The following EBF1 variants were observed in gnomAD, a reference collection of about 807,000 sequenced individuals.
EBF1 encodes EBF transcription factor 1.
Under a neutral mutation model 68.4 loss-of-function variants are expected in EBF1, and 10 were observed. The observed-to-expected ratio is 0.15, with a 90% CI of 0.09 to 0.25. EBF1 has a LOEUF of 0.25. Ranked by LOEUF, EBF1 falls within the 10% of genes least tolerant of loss-of-function variation. The pLI is 1.00. For missense variants in EBF1, 509 were observed against 794.4 expected, an observed-to-expected ratio of 0.64 and a Z score of 4.32; for synonymous variants, 298 against 299.8, an observed-to-expected ratio of 0.99 and a Z score of 0.06.
intron 6 of EBF1, among the ~76,000 whole-genome samples, chr5:159,064,809 C>G (rs1035035324): frequency 2.2e-4 from 33 of 150,012 alleles, no homozygotes; most frequent in African/African-American, 7.6e-4. Flanking sequence ...CTGTTGGTAA[C>G]AGCTTCAAAG....
At chr5:159,012,937 C>G (rs1042588741) in intron 6 of EBF1, among the ~76,000 whole-genome samples, 1 of 152,124 alleles carries the variant, frequency 6.6e-6, no homozygotes, top group African/African-American at 2.4e-5. Context: ...TGCAAAGGCA[C>G]TGGAAGAAGA....
intron 11 of EBF1, among the ~76,000 whole-genome samples, chr5:158,721,343 C>T (rs761141785): frequency 2.6e-5 from 4 of 151,954 alleles, no homozygotes; most frequent in East Asian, 1.9e-4. Context: ...GCTATATCAA[C>T]GTAAGACATA....
intron 10 of EBF1, among the ~76,000 whole-genome samples, chr5:158,767,316 T>C (rs1478335509): frequency 6.6e-6 from 1 of 152,202 alleles, no homozygotes; most frequent in African/African-American, 2.4e-5. Flanking sequence ...TTCACAATTA[T>C]ATAATTTGGT....
At chr5:159,001,446 C>G (rs1762528367) in intron 6 of EBF1, among the ~76,000 whole-genome samples, 1 of 152,078 alleles carries the variant, frequency 6.6e-6, no homozygotes, top group Non-Finnish European at 1.5e-5. Context: ...TAAGAAAGAT[C>G]CACAAATTAT....
At chr5:158,767,535 A>T (rs1772988472) in intron 10 of EBF1, among the ~76,000 whole-genome samples, 1 of 151,622 alleles carries the variant, frequency 6.6e-6, no homozygotes, top group African/African-American at 2.4e-5. Flanking sequence ...TAAATAACCC[A>T]GGAAGTCACT....
chr5:159,074,399 T>C (rs1473330733), intron 5 of EBF1, among the ~76,000 whole-genome samples: 1 of 152,208 alleles, frequency 6.6e-6, no homozygotes, highest in Non-Finnish European at 1.5e-5. Flanking sequence ...GGCATACTTA[T>C]AAAAGCAGTG....
intron 10 of EBF1, among the ~76,000 whole-genome samples, chr5:158,774,039 C>T (rs537108741): frequency 5.3e-5 from 8 of 152,176 alleles, no homozygotes; most frequent in Non-Finnish European, 1.0e-4. Flanking sequence ...CCTACATTTA[C>T]ATAAGAATAA....
At chr5:158,720,596 A>C (rs1439571721) in intron 11 of EBF1, among the ~76,000 whole-genome samples, 5 of 152,140 alleles carry the variant, frequency 3.3e-5, no homozygotes, top group African/African-American at 4.8e-5. Flanking sequence ...TTTTCTTGTA[A>C]TATAAACTTC....
intron 6 of EBF1, among the ~76,000 whole-genome samples, chr5:158,849,155 AT>A (rs1246425059): frequency 2.0e-5 from 3 of 152,244 alleles, no homozygotes; most frequent in Non-Finnish European, 2.9e-5. Context: ...ATGATAGAGT[AT>A]TCAAGTAATT....
At chr5:158,833,635 G>A (rs1394366058) in intron 7 of EBF1, among the ~76,000 whole-genome samples, 1 of 152,172 alleles carries the variant, frequency 6.6e-6, no homozygotes, top group Non-Finnish European at 1.5e-5. Context: ...CCCATCAGAG[G>A]ACTGGATAAA....
intron 6 of EBF1, among the ~76,000 whole-genome samples, chr5:159,067,409 A>G (rs1245891974): frequency 6.6e-6 from 1 of 152,154 alleles, no homozygotes; most frequent in Non-Finnish European, 1.5e-5. Flanking sequence ...CGTTAAATAC[A>G]TTTCTTGGAA....
intron 6 of EBF1, among the ~76,000 whole-genome samples, chr5:158,961,646 T>C (rs1323963376): frequency 6.6e-6 from 1 of 152,208 alleles, no homozygotes; most frequent in Non-Finnish European, 1.5e-5. Context: ...TAAAAGATAA[T>C]TTTTTCTTTC....
chr5:158,874,988 A>G (rs541859828), intron 6 of EBF1, among the ~76,000 whole-genome samples: 2 of 151,944 alleles, frequency 1.3e-5, no homozygotes, highest in African/African-American at 4.8e-5. Flanking sequence ...TGAATATTTT[A>G]TGAAGGCTAA....
chr5:158,854,304 T>TA (rs1048905792), intron 6 of EBF1, among the ~76,000 whole-genome samples: 1 of 152,214 alleles, frequency 6.6e-6, no homozygotes, highest in Non-Finnish European at 1.5e-5. Flanking sequence ...CTCCTCTCAT[T>TA]AAAAAACAAA....
intron 9 of EBF1, among the ~76,000 whole-genome samples, chr5:158,780,871 T>C (rs1486715802): frequency 6.6e-6 from 1 of 152,192 alleles, no homozygotes; most frequent in Admixed American, 6.5e-5. Flanking sequence ...AAATGTCTCC[T>C]GTACTACCAA....
intron 6 of EBF1, among the ~76,000 whole-genome samples, chr5:158,998,835 T>C (rs571804105): frequency 7.9e-5 from 12 of 152,240 alleles, no homozygotes; most frequent in African/African-American, 2.9e-4. Context: ...TACCACACTT[T>C]GGGAAGTGCT....
Position 159,010,986 on chromosome 5 carries a change from A to C in EBF1, c.554+62410T>G, listed in dbSNP as rs941737225. Among the ~76,000 whole-genome samples the C allele has an allele frequency of 3.3e-5, 5 of 152,230 alleles. No homozygotes were observed. In the East Asian group the frequency reaches 9.6e-4, roughly 29 times the overall value. On this transcript the variant is annotated intron_variant, in intron 6 of 15. Coordinates refer to ENST00000313708, the MANE Select transcript of EBF1 (RefSeq NM_024007.5). ...CCAGTTCCTTGCAAATTATAGACAC[A>C]CACCATAAAACAGTAGATACAAAAT...
At chr5:158,799,295 G>A (rs1780149335) in intron 8 of EBF1, among the ~76,000 whole-genome samples, 1 of 152,070 alleles carries the variant, frequency 6.6e-6, no homozygotes. Flanking sequence ...CCAGGTGCAA[G>A]CCTGTCATAC....
intron 6 of EBF1, among the ~76,000 whole-genome samples, chr5:159,063,670 T>G (rs1438841654): frequency 6.6e-6 from 1 of 152,116 alleles, no homozygotes; most frequent in Non-Finnish European, 1.5e-5. Flanking sequence ...AACAAAACAA[T>G]GAATGAGTCT....
Sources: allele counts gnomAD v4.1 joint callset (sites outside exome capture counted in the v4.1 genomes callset), GRCh38; gene constraint gnomAD v4.1.1; transcripts MANE v1.5; gene names NCBI Gene and HGNC (gene_info 2026-07-23, HGNC 2026-07-21).